PYY: variants seen among roughly 807,000 people sequenced by gnomAD.
PYY encodes the protein peptide YY.
Under a neutral mutation model 10.3 loss-of-function variants are expected in PYY, and 12 were observed. The observed-to-expected ratio is 1.17, with a 90% confidence interval of 0.75 to 1.89. The LOEUF (loss-of-function observed/expected upper bound fraction) is 1.89. Among genes scored for constraint, PYY ranks in the 40% most tolerant of loss-of-function variants. The pLI, the probability that PYY is intolerant of heterozygous loss-of-function variation, is 0.00. For missense variants in PYY, 141 were observed against 134.0 expected, an observed-to-expected ratio of 1.05 and a Z score of -0.26; for synonymous variants, 66 against 62.0, an observed-to-expected ratio of 1.06 and a Z score of -0.30.
intron 1 of PYY, among the ~76,000 whole-genome samples, chr17:43,982,421 G>A (rs953288235): frequency 6.6e-6 from 1 of 152,250 alleles, no homozygotes; most frequent in African/African-American, 2.4e-5. Flanking sequence ...GATTGAGGAA[G>A]GACAGTACAC....
intron 1 of PYY, among the ~76,000 whole-genome samples, chr17:43,997,696 G>A (rs545813791): frequency 1.3e-5 from 2 of 152,116 alleles, no homozygotes; most frequent in South Asian, 2.1e-4. Flanking sequence ...GACTCTAGTG[G>A]GCAAAAATGG....
At chr17:43,986,596 C>G (rs1286548341) in intron 1 of PYY, among the ~76,000 whole-genome samples, 1 of 152,176 alleles carries the variant, frequency 6.6e-6, no homozygotes, top group African/African-American at 2.4e-5. Context: ...TTCCCAAGCC[C>G]TGGTTTCCTC....
At chr17:43,958,185 T>C (rs1264414964), upstream of PYY, among the ~76,000 whole-genome samples, 1 of 133,584 alleles carries the variant, frequency 7.5e-6, no homozygotes, top group Non-Finnish European at 1.6e-5. Flanking sequence ...CTTCAGTAAA[T>C]CTTTACTTAC....
At chr17:43,963,688 A>T (rs1250430347) in intron 2 of PYY, among the ~76,000 whole-genome samples, 9 of 152,000 alleles carry the variant, frequency 5.9e-5, no homozygotes, top group Non-Finnish European at 1.3e-4. Flanking sequence ...AACCCTGACC[A>T]GGTGCAGTGG....
chr17:43,967,495 G>A (rs916801792), intron 1 of PYY, among the ~76,000 whole-genome samples: 1 of 152,132 alleles, frequency 6.6e-6, no homozygotes, highest in Non-Finnish European at 1.5e-5. Context: ...AAACTCTGGG[G>A]CTAGGATGAC....
chr17:43,984,064 G>C (rs1021512253), intron 1 of PYY, among the ~76,000 whole-genome samples: 2 of 152,192 alleles, frequency 1.3e-5, no homozygotes, highest in Non-Finnish European at 2.9e-5. Context: ...GGCCCTTATC[G>C]CCCGCGTTTA....
chr17:43,977,700 C>T (rs994054407), intron 1 of PYY, among the ~76,000 whole-genome samples: 1 of 152,164 alleles, frequency 6.6e-6, no homozygotes, highest in Admixed American at 6.5e-5. Context: ...TATGCCACTG[C>T]CACAGGGGTC....
intron 2 of PYY, among the ~76,000 whole-genome samples, chr17:43,959,455 C>T (rs1567926648): frequency 2.0e-5 from 3 of 152,168 alleles, no homozygotes; most frequent in African/African-American, 4.8e-5. Context: ...GAGACCAAGG[C>T]GGGCGGATCA....
chr17:43,974,458 G>A (rs1245904173), intron 1 of PYY, among the ~76,000 whole-genome samples: 1 of 152,094 alleles, frequency 6.6e-6, no homozygotes, highest in Non-Finnish European at 1.5e-5. Flanking sequence ...TTCAAACCCT[G>A]TGTCAATTGT....
intron 1 of PYY, among the ~76,000 whole-genome samples, chr17:43,989,899 T>TACAC (rs377459470): frequency 1.7e-5 from 1 of 58,720 alleles, no homozygotes; most frequent in Non-Finnish European, 3.1e-5. Context: ...TATATATATA[T>TACAC]ACACACAAAT....
chr17:43,978,471 T>C (rs2631310), intron 1 of PYY, among the ~76,000 whole-genome samples: 125,384 of 152,090 alleles, frequency 0.82, 52,105 homozygotes, highest in East Asian at 1. Context: ...GTCTGGACAA[T>C]GTAGCGAGAC....
rs1345362794 is a variant in PYY at position 43,965,827 on chromosome 17, AC to A, written c.-218+460del. 2.5e-4 allele frequency among the ~76,000 whole-genome samples: 37 copies of A among 150,244 alleles called. 1 individual carries two copies. Among genetic ancestry groups the A allele is most frequent in the Non-Finnish European group, 4.3e-4 (29 of 67,446 alleles). ...AAAAAAAAAAAAAAAAGAGAGAGAA[AC>A]AAGTAAAATTATATTTTTTTCTAGC... On this transcript the variant is annotated intron_variant, in intron 2 of 6. Coordinates refer to the PYY transcript ENST00000360085.
chr17:43,960,532 C>CAAAAAAA lies in PYY; in HGVS notation c.-217-2511_-217-2505dup, dbSNP rs1170040925. On this transcript the variant is annotated intron_variant, in intron 2 of 6. Coordinates refer to the PYY transcript ENST00000360085. The stretch of plus-strand genomic sequence containing the variant: ...GAGGGACGAGAGTGAGACTTTGTCT[C>CAAAAAAA]AAAAAAAAAAAAAAAAAAAAAAACA... Among the ~76,000 whole-genome samples the CAAAAAAA allele has an allele frequency of 1.7e-4, 10 of 58,992 alleles. No homozygotes were observed. The East Asian group carries it at 2.5e-3, about 15-fold the overall frequency. The allele number at this position is 58,992 out of a possible 152,430, so 38.7% of individuals were successfully genotyped here. A position where few individuals can be genotyped will look rare whatever the true frequency, so the allele number is the denominator to read the frequency against.
chr17:43,970,046 G>A (rs2048780845), intron 1 of PYY, among the ~76,000 whole-genome samples: 1 of 151,782 alleles, frequency 6.6e-6, no homozygotes, highest in Non-Finnish European at 1.5e-5. Context: ...CCAGCCAAAA[G>A]TTTTTTTAAT....
Position 43,953,355 on chromosome 17 carries a change from C to T in PYY, c.129G>A (p.Glu43=), listed in dbSNP as rs758675859. 3.1e-6 allele frequency: 5 copies of T among 1,612,572 alleles called. No individual in the cohort carries two copies. The highest frequency in any genetic ancestry group is 1.7e-5 in the Admixed American group (1 of 59,870). ...PEAPREDASP[E]ELNRYYASLR... is the part of the protein sequence containing the mutation. ...GGGAGGCGTAGTAGCGGTTCAGCTC[C>T]TCCGGCGAGGCGTCTTCGCGGGGAG... Residue 43 remains glutamate (E), a synonymous_variant, in exon 2 of 4, where the codon GAG becomes GAA. Coordinates refer to ENST00000692052, the MANE Select transcript of PYY (RefSeq NM_001394028.1).
In PYY at chr17:43,952,956, T is replaced by C; in HGVS notation, c.294A>G (p.Ter98TrpextTer?). The change falls in exon 4 of 4, where the codon TGA (stop) becomes TGG (tryptophan). Residue 98 changes from the stop codon to tryptophan, a stop_lost. Transcript: ENST00000692052. ...RSRSEGPDLW[*>W] ...ATCTCCCAGGAGGCCTCAGGGGTCC[T>C]CACCACAGGTCTGGGCCCTCCGACC... is the stretch of plus-strand genomic sequence containing the variant. 1 of 1,547,490 alleles carries C rather than the reference T, an allele frequency of 6.5e-7. No homozygotes were observed. Among genetic ancestry groups the C allele is most frequent in the African/African-American group, 1.4e-5 (1 of 72,140 alleles).
At chr17:43,992,694 C>T (rs537454351) in intron 1 of PYY, among the ~76,000 whole-genome samples, 27 of 151,770 alleles carry the variant, frequency 1.8e-4, no homozygotes, top group Admixed American at 1.7e-3. Flanking sequence ...GCAACAAGAG[C>T]GAAACTCCAT....
chr17:43,981,482 T>C (rs1333708593), intron 1 of PYY, among the ~76,000 whole-genome samples: 1 of 152,138 alleles, frequency 6.6e-6, no homozygotes, highest in Admixed American at 6.6e-5. Context: ...AGAGCATCTT[T>C]TCATGGTTTT....
chr17:43,976,276 T>TATACACACATATGTATACATGTATAC (rs1217188677), intron 1 of PYY, among the ~76,000 whole-genome samples: 2,174 of 145,888 alleles, frequency 0.015, 164 homozygotes, highest in Non-Finnish European at 0.02. Context: ...CATGTACGTA[T>TATACACACATATGTATACATGTATAC]ATATACGCAT....
Sources: gnomAD v4.1 joint callset for allele counts (sites outside exome capture counted in the v4.1 genomes callset) on GRCh38, gnomAD v4.1.1 for gene constraint, MANE v1.5 for transcripts, NCBI Gene and HGNC (gene_info 2026-07-23, HGNC 2026-07-21) for gene names.